The following CDH17 variants were observed in gnomAD, a reference collection of about 807,000 sequenced individuals.
CDH17 encodes the protein cadherin 17.
Under a neutral mutation model 86.3 loss-of-function variants are expected in CDH17, and 67 were observed. The ratio of observed to expected loss-of-function variants is 0.78; its 90% CI spans 0.64 to 0.95. The LOEUF is 0.95. Among genes scored for constraint, CDH17 ranks in the 40% least tolerant of loss-of-function variants. CDH17 has a pLI of 0.00. For missense variants in CDH17, 993 were observed against 1,017.6 expected (o/e 0.98, Z 0.33); for synonymous variants, 367 against 366.4 (o/e 1.00, Z -0.02).
At chr8:94,137,292 C>A (rs1812548423) in intron 15 of CDH17, among the ~76,000 whole-genome samples, 1 of 152,180 alleles carries the variant, frequency 6.6e-6, no homozygotes, top group Non-Finnish European at 1.5e-5. Flanking sequence ...GCTGCTGTAG[C>A]CTCCACCCCA....
chr8:94,130,641 T>G lies in CDH17; in HGVS notation c.2383A>C (p.Thr795Pro). The change falls in exon 17 of 18, where the codon ACC becomes CCC. Residue 795 changes from threonine (T) to proline (P), a missense_variant. Transcript: ENST00000027335. Reference sequence around the variant, plus strand: ...TTACACTCACCAATCACCAGAAGGGTGGTCAGCAGTATACCAACTGCCATG... The same window carrying G: ...TTACACTCACCAATCACCAGAAGGGGGGTCAGCAGTATACCAACTGCCATG... ...VGMAVGILLT[T>P]LLVIGIILAV... 6.2e-7 allele frequency: 1 copy of G among 1,610,430 alleles called. No individual in the cohort carries two copies. The highest frequency in any genetic ancestry group is 8.5e-7 in the Non-Finnish European group (1 of 1,177,072).
At chr8:94,159,855 AC>A in intron 12 of CDH17, 115 bp downstream of exon 12, 1 of 681,414 alleles carries the variant, frequency 1.5e-6, no homozygotes, top group South Asian at 3.3e-5. Context: ...GGAACCCATC[AC>A]CATGCCTGAG....
At chr8:94,143,575 A>T (rs1389773583) in intron 15 of CDH17, among the ~76,000 whole-genome samples, 1 of 152,220 alleles carries the variant, frequency 6.6e-6, no homozygotes, top group East Asian at 1.9e-4. Context: ...ATTGTCTCCC[A>T]AAAGAAGGCT....
Position 94,160,136 on chromosome 8 carries a change from G to A in CDH17, c.1386C>T (p.Asp462=). Residue 462 remains aspartate (D), a synonymous_variant, in exon 12 of 18, where the codon GAC becomes GAT. Coordinates refer to ENST00000027335, the MANE Select transcript of CDH17 (RefSeq NM_004063.4). Reference sequence around the variant, plus strand: ...TTAAGATGGTGGACCCAATGTTTGTGTCTTCAGCAAGAGTCAGGTTTCCAT... The same window carrying A: ...TTAAGATGGTGGACCCAATGTTTGTATCTTCAGCAAGAGTCAGGTTTCCAT... ...SDYGNLTLAE[D]TNIGSTILTI... 2.5e-6 allele frequency: 4 copies of A among 1,612,850 alleles called. No individual in the cohort carries two copies. Among genetic ancestry groups the A allele is most frequent in the Non-Finnish European group, 3.4e-6 (4 of 1,179,502 alleles).
At chr8:94,148,311 G>A (rs1192123518) in intron 14 of CDH17, among the ~76,000 whole-genome samples, 1 of 152,110 alleles carries the variant, frequency 6.6e-6, no homozygotes, top group African/African-American at 2.4e-5. Context: ...GGAGGTGGAG[G>A]CAGGCAGATC....
intron 1 of CDH17, among the ~76,000 whole-genome samples, chr8:94,203,383 GA>G (rs1310992133): frequency 3.9e-5 from 6 of 152,294 alleles, no homozygotes; most frequent in Middle Eastern, 3.4e-3. Flanking sequence ...GTGTGGGCAG[GA>G]AGGGATGTGA....
chr8:94,165,945 G>A lies in CDH17; in HGVS notation c.1098C>T (p.Asp366=), dbSNP rs1310553831. Reference sequence around the variant, plus strand: ...TGTTGGCAGTATTTTCTTCATCCCTGTCATGTGCAGTAAGGGTCCCGATAC... The same window carrying A: ...TGTTGGCAGTATTTTCTTCATCCCTATCATGTGCAGTAAGGGTCCCGATAC... ...GNSIGTLTAH[D]RDEENTANSF... The change falls in exon 10 of 18, where the codon GAC becomes GAT. Residue 366 remains aspartate (D), a synonymous_variant. Transcript: ENST00000027335. The A allele has an allele frequency of 6.2e-7, 1 of 1,613,526 alleles. No individual in the cohort carries two copies. Among genetic ancestry groups the A allele is most frequent in the South Asian group, 1.1e-5 (1 of 91,056 alleles).
intron 12 of CDH17, among the ~76,000 whole-genome samples, chr8:94,152,379 C>CT (rs983782885): frequency 2.0e-5 from 3 of 152,046 alleles, no homozygotes; most frequent in Admixed American, 1.3e-4. Context: ...TGGCAATGAT[C>CT]TTTTTTTATT....
At chr8:94,207,304 T>C (rs1302840910) in intron 1 of CDH17, among the ~76,000 whole-genome samples, 2 of 152,204 alleles carry the variant, frequency 1.3e-5, no homozygotes, top group Non-Finnish European at 2.9e-5. Context: ...AACTTTCTCA[T>C]GGAACAGAGC....
chr8:94,189,423 T>C (rs1813643472), intron 2 of CDH17, 138 bp from the exon 3 acceptor site: 1 of 632,216 alleles, frequency 1.6e-6, no homozygotes, highest in African/African-American at 1.8e-5. Flanking sequence ...CAGGAAAGAG[T>C]GTAATAGCTG....
intron 13 of CDH17, among the ~76,000 whole-genome samples, chr8:94,151,454 T>C (rs1812854427): frequency 6.6e-6 from 1 of 152,236 alleles, no homozygotes. Context: ...TGGCATGGTC[T>C]GTCCAATTGG....
upstream of CDH17, among the ~76,000 whole-genome samples, chr8:94,209,056 T>C (rs1321434665): frequency 1.3e-5 from 2 of 152,118 alleles, no homozygotes; most frequent in Admixed American, 6.6e-5. Context: ...AAAGACACAA[T>C]ATGGCTGTGC....
At chr8:94,168,057 TC>T (rs144841222) in intron 9 of CDH17, among the ~76,000 whole-genome samples, 50,144 of 131,110 alleles carry the variant, frequency 0.38, 10,379 homozygotes, top group South Asian at 0.51. Context: ...GGACACGAGT[TC>T]CACAAGATAC....
chr8:94,189,587 C>T (rs1813646948), intron 2 of CDH17, among the ~76,000 whole-genome samples: 2 of 152,242 alleles, frequency 1.3e-5, no homozygotes. Flanking sequence ...TAACACAGCA[C>T]ACATGCTCAG....
At position 94,159,986 on chromosome 8, in the gene CDH17, A is replaced by G. The variant is rs774024181; in HGVS notation, c.1536T>C (p.Tyr512=). The change falls in exon 12 of 18, where the codon TAT becomes TAC. Residue 512 remains tyrosine, a synonymous_variant. Coordinates refer to ENST00000027335, the MANE Select transcript of CDH17 (RefSeq NM_004063.4). ...VDTDPHTNTG[Y]VIIKKPLDFE... ...GGCTATTTACCTTTTTAATTATGACATATCCGGTGTTGGTATGGGGATCTG... is the reference window on the plus strand; with the variant it reads ...GGCTATTTACCTTTTTAATTATGACGTATCCGGTGTTGGTATGGGGATCTG... The G allele has an allele frequency of 4.2e-5, 67 of 1,607,328 alleles. No homozygotes were observed. The African/African-American group carries it at 7.4e-4, about 18-fold the overall frequency.
At chr8:94,170,200 C>T (rs1383022675) in intron 9 of CDH17, among the ~76,000 whole-genome samples, 197 bp downstream of exon 9, 2 of 151,990 alleles carry the variant, frequency 1.3e-5, no homozygotes, top group African/African-American at 4.8e-5. Flanking sequence ...GCTATAAAAG[C>T]CCCAATTTAA....
intron 5 of CDH17, among the ~76,000 whole-genome samples, chr8:94,174,705 G>A (rs1239219000): frequency 6.6e-6 from 1 of 152,146 alleles, no homozygotes; most frequent in African/African-American, 2.4e-5. Flanking sequence ...TTGTCCAACT[G>A]CATATCTGTG....
intron 12 of CDH17, among the ~76,000 whole-genome samples, chr8:94,155,232 G>A (rs879273446): frequency 1.5e-4 from 23 of 151,986 alleles, no homozygotes; most frequent in South Asian, 4.1e-4. Flanking sequence ...CGTGGTCCAC[G>A]GTTCAATTAG....
In CDH17 at chr8:94,178,058, C is replaced by T. The variant is rs142701725; in HGVS notation, c.151-337G>A. 5.9e-5 allele frequency among the ~76,000 whole-genome samples: 9 copies of T among 152,262 alleles called. No homozygotes were observed. The East Asian group carries it at 1.7e-3, about 29-fold the overall frequency. ...AGAAGCATTAAAAGGGTAGCTTTCT[C>T]TCTAGGATAAAATATGTCATTTAGC... On this transcript the variant is annotated intron_variant, in intron 3 of 17. Coordinates refer to ENST00000027335, the MANE Select transcript of CDH17 (RefSeq NM_004063.4).
Sources: gnomAD v4.1 joint callset for allele counts (sites outside exome capture counted in the v4.1 genomes callset) on GRCh38, gnomAD v4.1.1 for gene constraint, MANE v1.5 for transcripts, NCBI Gene and HGNC (gene_info 2026-07-23, HGNC 2026-07-21) for gene names.